ZCCHC8: variants seen among roughly 807,000 people sequenced by gnomAD.
ZCCHC8 encodes the protein zinc finger CCHC-type containing 8, also known as zinc finger CCHC domain-containing protein 8.
Under a neutral mutation model 70.6 loss-of-function variants are expected in ZCCHC8, and 27 were observed. The observed-to-expected ratio is 0.38, with a 90% confidence interval of 0.28 to 0.53. The LOEUF is 0.53. ZCCHC8 is among the 20% of genes least tolerant of loss of function. The pLI is 0.81. For missense variants in ZCCHC8, 737 were observed against 876.9 expected, an observed-to-expected ratio of 0.84 and a Z score of 2.01; for synonymous variants, 293 against 317.4, an observed-to-expected ratio of 0.92 and a Z score of 0.82.
At chr12:122,476,421 C>T (rs138213737) in intron 13 of ZCCHC8, among the ~76,000 whole-genome samples, 282 of 151,766 alleles carry the variant, frequency 1.9e-3, no homozygotes, top group African/African-American at 6.6e-3. Flanking sequence ...AATAAGACCT[C>T]GGTGTCTACA....
rs1593317653 is a variant in ZCCHC8 at position 122,481,305 on chromosome 12, A to AG, written c.1018+216dup. The AG allele has an allele frequency of 1.0e-5, 5 of 487,008 alleles. No individual in the cohort carries two copies. The East Asian group carries it at 1.1e-4, about 11-fold the overall frequency. 30.2% of individuals were successfully genotyped at this position (487,008 alleles called of 1,614,324 possible). On this transcript the variant is annotated intron_variant, in intron 10 of 13. Transcript: ENST00000633063. ...GGAGAGGTGATACTCTGGCCTAGAC[A>AG]GTACCTGAGCAAGCCCAGAAAACCA...
At chr12:122,497,881 T>C (rs1020487726) in intron 2 of ZCCHC8, among the ~76,000 whole-genome samples, 77 of 151,652 alleles carry the variant, frequency 5.1e-4, no homozygotes, top group Non-Finnish European at 9.3e-4. Flanking sequence ...TGGTGGTGTC[T>C]GCCTGTAGTC....
Position 122,473,621 on chromosome 12 carries a change from G to C in ZCCHC8, c.2000C>G (p.Ala667Gly). The C allele has an allele frequency of 1.2e-6, 2 of 1,613,916 alleles. No homozygotes were observed. The highest frequency in any genetic ancestry group is 2.2e-5 in the South Asian group (2 of 91,078). Reference protein sequence around the residue: ...HSPIPDMSKFATGITPFEFEN... With the variant: ...HSPIPDMSKFGTGITPFEFEN... ...AAATTCAAATGGCGTGATTCCAGTT[G>C]CAAATTTGCTCATGTCAGGTATAGG... The change falls in exon 14 of 14, where the codon GCA (alanine) becomes GGA (glycine). Residue 667 changes from alanine to glycine, a missense_variant. Physicochemically the swap from Ala to Gly is moderately conservative, Grantham distance 60. Transcript: ENST00000633063.
rs1337018601 is a variant in ZCCHC8, at chr12:122,500,487, G to C, written c.199+155C>G. The C allele has an allele frequency of 1.9e-6, 2 of 1,026,200 alleles. No individual in the cohort carries two copies. Among genetic ancestry groups the C allele is most frequent in the Non-Finnish European group, 2.7e-6 (2 of 728,144 alleles). 63.6% of individuals were successfully genotyped at this position (1,026,200 alleles called of 1,614,324 possible). ...TGCGCGCCCCGAACCCTAGACTCTCGGTCCGCCGGCGGGTGACAGAAAGCA... is the reference window on the plus strand; with the variant it reads ...TGCGCGCCCCGAACCCTAGACTCTCCGTCCGCCGGCGGGTGACAGAAAGCA... On this transcript the variant is annotated intron_variant, in intron 1 of 13. Transcript: ENST00000633063. This position sits in a 1 kb window ranked among gnomAD's most constrained non-coding sequence, Gnocchi z 4.8.
Position 122,500,655 on chromosome 12 carries a change from C to T in ZCCHC8, c.186G>A (p.Gln62=). 6.3e-7 allele frequency: 1 copy of T among 1,575,372 alleles called. No homozygotes were observed. The highest frequency in any genetic ancestry group is 8.6e-7 in the Non-Finnish European group (1 of 1,161,908). Residue 62 remains glutamine (Q), a synonymous_variant, in exon 1 of 14, where the codon CAG becomes CAA. Coordinates refer to ENST00000633063, the MANE Select transcript of ZCCHC8 (RefSeq NM_017612.5). This position sits in a 1 kb window ranked among gnomAD's most constrained non-coding sequence, Gnocchi z 4.8. ...AGGAAAGGATATTCTCGGCGCGGAG[C>T]TGCTCGATGGTCTCCTCGCACTGCC... The part of the protein sequence containing the change: ...RLRQCEETIE[Q]LRAENQELKR...
At chr12:122,491,998 C>T (rs1957755258) in intron 3 of ZCCHC8, 1 of 152,314 alleles carries the variant, frequency 6.6e-6, no homozygotes, top group African/African-American at 2.4e-5. Context: ...ATCCAGCTTC[C>T]CAACCCTCAG....
At position 122,483,120 on chromosome 12, in the gene ZCCHC8, T is replaced by A. The variant is rs780059223; in HGVS notation, c.671+159A>T. The A allele has an allele frequency of 3.7e-5, 25 of 684,386 alleles. No homozygotes were observed. The highest frequency in any genetic ancestry group is 1.8e-4 in the Admixed American group (6 of 32,554). The allele number at this position is 684,386 out of a possible 1,614,324, so 42.4% of individuals were successfully genotyped here. ...GAATTCCAGGAAGCAGATGATTCAT[T>A]TAAACATTTAACATATATGTATGGA... On this transcript the variant is annotated intron_variant, in intron 7 of 13. Transcript: ENST00000633063. This position sits in a 1 kb window ranked among gnomAD's most constrained non-coding sequence, Gnocchi z 4.4.
chr12:122,477,507 G>A (rs1485333655), intron 13 of ZCCHC8, among the ~76,000 whole-genome samples: 5 of 147,472 alleles, frequency 3.4e-5, no homozygotes, highest in South Asian at 2.2e-4. Context: ...GACAGGGGCC[G>A]GGCACGGTGG....
chr12:122,476,656 G>A (rs1316544541), intron 13 of ZCCHC8, among the ~76,000 whole-genome samples: 1 of 151,594 alleles, frequency 6.6e-6, no homozygotes, highest in Non-Finnish European at 1.5e-5. Context: ...GTACAAAACT[G>A]AAAATGCCTA....
chr12:122,483,811 T>A lies in ZCCHC8; in HGVS notation c.502-248A>T. 1 of 381,034 alleles carries A rather than the reference T, an allele frequency of 2.6e-6. No individual in the cohort carries two copies. Among genetic ancestry groups the A allele is most frequent in the Non-Finnish European group, 4.7e-6 (1 of 214,602 alleles). The allele number at this position is 381,034 out of a possible 1,614,324, so 23.6% of individuals were successfully genotyped here. On this transcript the variant is annotated intron_variant, in intron 5 of 13. Coordinates refer to ENST00000633063, the MANE Select transcript of ZCCHC8 (RefSeq NM_017612.5). This position sits in a 1 kb window ranked among gnomAD's most constrained non-coding sequence, Gnocchi z 4.4. ...CTATCAGCTGCATTCTCTACAGAAT[T>A]CAAACAAAAAATGAAAACCTTGACT...
In ZCCHC8 at chr12:122,481,746, T is replaced by C. The variant is rs77652707; in HGVS notation, c.876-82A>G. The C allele has an allele frequency of 5.1e-3, 7,537 of 1,478,628 alleles. 239 individuals are homozygous for C. The African/African-American group carries it at 0.081, about 16-fold the overall frequency. The allele number at this position is 1,478,628 out of a possible 1,614,324, so 91.6% of individuals were successfully genotyped here. A position where few individuals can be genotyped will look rare whatever the true frequency, so the allele number is the denominator to read the frequency against. On this transcript the variant is annotated intron_variant, in intron 9 of 13. Coordinates refer to ENST00000633063, the MANE Select transcript of ZCCHC8 (RefSeq NM_017612.5). ...ATAGTATTCTGGTATTTTAAAACAT[T>C]TCTTGCTTATATTACATACCATGAC...
chr12:122,494,683 G>A lies in ZCCHC8; in HGVS notation c.243-1894C>T, dbSNP rs1278128567. ...ATCCTGGCTAACACGGTGAAACCCC[G>A]ACTCTACCAAAAATACAAAAAATTA... On this transcript the variant is annotated intron_variant, in intron 2 of 13. Coordinates refer to ENST00000633063, the MANE Select transcript of ZCCHC8 (RefSeq NM_017612.5). Among the ~76,000 whole-genome samples the A allele has an allele frequency of 2.6e-5, 4 of 152,080 alleles. No homozygotes were observed. The South Asian group carries it at 6.2e-4, about 24-fold the overall frequency.
rs770804616 is a variant in ZCCHC8, at chr12:122,477,872, C to A, written c.1314G>T (p.Ala438=). 6.2e-7 allele frequency: 1 copy of A among 1,613,724 alleles called. No individual in the cohort carries two copies. The highest frequency in any genetic ancestry group is 8.5e-7 in the Non-Finnish European group (1 of 1,179,828). ...PKKQKNESNS[A]GSPADMELDS... is the part of the protein sequence containing the mutation. The stretch of plus-strand genomic sequence containing the variant: ...CGAGCTCCATGTCGGCGGGAGATCC[C>A]GCTGAGTTGCTTTCATTCTTCTGCT... Residue 438 remains alanine (A), a synonymous_variant, in exon 13 of 14, where the codon GCG becomes GCT. Transcript: ENST00000633063.
intron 8 of ZCCHC8, 174 bp downstream of exon 8, chr12:122,482,461 A>C: frequency 4.2e-6 from 2 of 474,548 alleles, no homozygotes; most frequent in Non-Finnish European, 7.6e-6. Context: ...TTACTGAAAA[A>C]ATTTAATGTC....
chr12:122,494,808 T>C (rs982777156), intron 2 of ZCCHC8, among the ~76,000 whole-genome samples: 48 of 152,186 alleles, frequency 3.2e-4, no homozygotes, highest in Admixed American at 1.3e-4. Context: ...TGAGCTGAGA[T>C]TGCACCACTG....
At chr12:122,498,014 C>T (rs1198503648) in intron 2 of ZCCHC8, among the ~76,000 whole-genome samples, 1 of 88,804 alleles carries the variant, frequency 1.1e-5, no homozygotes, top group Non-Finnish European at 2.7e-5. Flanking sequence ...AACATAAAAT[C>T]AGATGCCTAA....
Position 122,500,524 on chromosome 12 carries a change from G to C in ZCCHC8, c.199+118C>G. ...GGTGACAGAAAGCACTTGGAATTCT[G>C]GCCCTCCTGGAACTTCCGCCCGCGC... On this transcript the variant is annotated intron_variant, in intron 1 of 13. Transcript: ENST00000633063. This position sits in a 1 kb window ranked among gnomAD's most constrained non-coding sequence, Gnocchi z 4.8. 8.0e-7 allele frequency: 1 copy of C among 1,244,648 alleles called. No individual in the cohort carries two copies. Among genetic ancestry groups the C allele is most frequent in the Non-Finnish European group, 1.1e-6 (1 of 925,328 alleles). 77.1% of individuals were successfully genotyped at this position (1,244,648 alleles called of 1,614,324 possible).
intron 11 of ZCCHC8, chr12:122,478,572 C>T (rs890147962): frequency 6.6e-6 from 2 of 304,342 alleles, no homozygotes; most frequent in Admixed American, 4.7e-5. Context: ...GGAGTGACTG[C>T]TATGGGGCCT....
At chr12:122,491,890 C>T (rs975436387) in intron 3 of ZCCHC8, among the ~76,000 whole-genome samples, 2 of 151,750 alleles carry the variant, frequency 1.3e-5, no homozygotes, top group South Asian at 4.1e-4. Flanking sequence ...AGAAATGAGA[C>T]CGTCATGAGC....
Sources: gnomAD v4.1 joint callset for allele counts (sites outside exome capture counted in the v4.1 genomes callset) on GRCh38, gnomAD v4.1.1 for gene constraint, Gnocchi (gnomAD v3.1) non-coding constraint, MANE v1.5 for transcripts, NCBI Gene and HGNC (gene_info 2026-07-23, HGNC 2026-07-21) for gene names.